The following APC variants were observed in gnomAD, a reference collection of about 807,000 sequenced individuals.
The protein encoded by APC is APC regulator of Wnt signaling pathway, also known as adenomatous polyposis coli protein.
A neutral mutation model predicts 247.0 loss-of-function variants in APC; 72 were observed. That is an observed-to-expected ratio of 0.29 (90% CI 0.24 to 0.35). The LOEUF is 0.35. Among genes scored for constraint, APC ranks in the 10% least tolerant of loss-of-function variants. The probability of loss-of-function intolerance (pLI) is 1.00; values close to 1 mark genes in which losing one functional copy is unlikely to be tolerated. For synonymous variants in APC, 1,254 were observed against 1,162.5 expected (o/e 1.08, Z -1.60); for missense variants, 3,400 against 3,360.7 (o/e 1.01, Z -0.29).
intron 8 of APC, among the ~76,000 whole-genome samples, chr5:112,803,765 C>G (rs1404596225): frequency 2.6e-5 from 4 of 152,152 alleles, no homozygotes; most frequent in African/African-American, 9.7e-5. Context: ...TGCATCCATG[C>G]AAATATTAAA....
chr5:112,826,995 C>G (rs756400076), intron 11 of APC, 113 bp from the exon 12 acceptor site: 12 of 1,006,322 alleles, frequency 1.2e-5, no homozygotes, highest in Non-Finnish European at 1.8e-5. Flanking sequence ...CAAATTTAAA[C>G]CATATATTCT....
At chr5:112,830,006 T>A (rs1764143230) in intron 14 of APC, 1 of 152,134 alleles carries the variant, frequency 6.6e-6, no homozygotes, top group Non-Finnish European at 1.5e-5. Context: ...CTAGTCTAGG[T>A]TTCCTTTCAC....
At chr5:112,747,408 A>G (rs914353461) in intron 1 of APC, among the ~76,000 whole-genome samples, 1 of 152,224 alleles carries the variant, frequency 6.6e-6, no homozygotes, top group African/African-American at 2.4e-5. Flanking sequence ...GTGGAAAAGA[A>G]ATGGTTTGTT....
At chr5:112,765,269 TTTTG>T (rs901645772) in intron 2 of APC, among the ~76,000 whole-genome samples, 1 of 152,054 alleles carries the variant, frequency 6.6e-6, no homozygotes, top group African/African-American at 2.4e-5. Flanking sequence ...CACTCATGGT[TTTTG>T]TTTGTTTGTT....
chr5:112,757,052 A>G (rs983299461), intron 2 of APC, among the ~76,000 whole-genome samples: 1 of 152,120 alleles, frequency 6.6e-6, no homozygotes, highest in African/African-American at 2.4e-5. Context: ...CTCAACCTAT[A>G]TACATCAGGA....
Position 112,716,040 on chromosome 5 carries a change from A to T in APC, c.165+8158A>T, listed in dbSNP as rs182811050. ...CTTATTAGTTTCACCAGAGATCAGT[A>T]GTCTTTCCAGAGAACCGTATTTTGA... On this transcript the variant is annotated intron_variant, in intron 1 of 13. Transcript: ENST00000507379. Among the ~76,000 whole-genome samples, 199 of 152,208 alleles carry T rather than the reference A, an allele frequency of 1.3e-3. 1 individual carries two copies. The highest frequency in any genetic ancestry group is 4.6e-3 in the African/African-American group (192 of 41,546).
In APC at chr5:112,790,984, G is replaced by A. The variant is rs138766550; in HGVS notation, c.646-1462G>A. ...CAATATTAGGATGTCAATAACTATA[G>A]AATTATTACAGAAAATGGTACAACA... On this transcript the variant is annotated intron_variant, in intron 6 of 15. Coordinates refer to ENST00000257430, the MANE Select transcript of APC (RefSeq NM_000038.6). Among the ~76,000 whole-genome samples the A allele has an allele frequency of 4.3e-3, 652 of 152,106 alleles. 2 individuals carry two copies. The highest frequency in any genetic ancestry group is 0.01 in the Middle Eastern group (3 of 294).
intron 4 of APC, among the ~76,000 whole-genome samples, chr5:112,773,293 T>A (rs1441387262): frequency 6.6e-6 from 1 of 152,174 alleles, no homozygotes; most frequent in Non-Finnish European, 1.5e-5. Context: ...CAAGCAGAAC[T>A]TTTAAAGTAA....
At chr5:112,837,513 A>G (rs1383931857) in intron 15 of APC, 40 bp from the exon 16 acceptor site, 1 of 1,492,456 alleles carries the variant, frequency 6.7e-7, no homozygotes, top group African/African-American at 1.4e-5. Flanking sequence ...CTGCATACAC[A>G]TTGTGACCTT....
intron 8 of APC, among the ~76,000 whole-genome samples, chr5:112,802,975 G>T (rs1760994362): frequency 6.6e-6 from 1 of 151,916 alleles, no homozygotes; most frequent in African/African-American, 2.4e-5. Flanking sequence ...ATTAAAATGG[G>T]CAAAGGATAT....
intron 1 of APC, among the ~76,000 whole-genome samples, chr5:112,745,586 C>T (rs1207329594): frequency 2.0e-5 from 3 of 148,726 alleles, no homozygotes; most frequent in African/African-American, 4.9e-5. Context: ...TTTTTTGAGA[C>T]GGAGTCTCAC....
intron 1 of APC, among the ~76,000 whole-genome samples, chr5:112,721,926 C>T (rs905353334): frequency 4.6e-5 from 7 of 151,894 alleles, no homozygotes; most frequent in African/African-American, 1.2e-4. Flanking sequence ...AGAAAGTTTA[C>T]GAATTTGTGT....
chr5:112,833,306 C>T (rs1335739992), intron 14 of APC, among the ~76,000 whole-genome samples: 1 of 151,856 alleles, frequency 6.6e-6, no homozygotes, highest in Middle Eastern at 3.2e-3. Context: ...CCTCAGCCTC[C>T]CAAGTAGCTA....
chr5:112,770,103 G>T (rs1373277666), intron 4 of APC, among the ~76,000 whole-genome samples: 1 of 152,088 alleles, frequency 6.6e-6, no homozygotes, highest in Non-Finnish European at 1.5e-5. Context: ...AGCAGAGAGA[G>T]GGAATTTCAG....
intron 1 of APC, among the ~76,000 whole-genome samples, chr5:112,723,394 G>A (rs910959749): frequency 3.9e-5 from 6 of 152,038 alleles, no homozygotes; most frequent in East Asian, 3.9e-4. Context: ...CCTGTGAGGC[G>A]GAGGTTGCAG....
intron 1 of APC, among the ~76,000 whole-genome samples, chr5:112,718,793 C>T (rs1033475838): frequency 2.0e-5 from 3 of 152,158 alleles, no homozygotes; most frequent in African/African-American, 4.8e-5. Context: ...GCTGTTTCTA[C>T]GAGTGTAAGT....
intron 1 of APC, among the ~76,000 whole-genome samples, chr5:112,727,898 A>G (rs963518316): frequency 1.3e-5 from 2 of 151,926 alleles, no homozygotes; most frequent in African/African-American, 4.8e-5. Context: ...ATTGAAGAAG[A>G]CATACTTAAA....
chr5:112,836,165 TCCCCCCCC>T (rs59050067), intron 15 of APC, among the ~76,000 whole-genome samples: 3 of 24,478 alleles, frequency 1.2e-4, no homozygotes, highest in Admixed American at 8.9e-4. Flanking sequence ...GGATTACAGG[TCCCCCCCC>T]CCCCCCGCCA....
At chr5:112,727,649 A>G in intron 1 of APC, among the ~76,000 whole-genome samples, 1 of 152,188 alleles carries the variant, frequency 6.6e-6, no homozygotes, top group East Asian at 1.9e-4. Flanking sequence ...TATTAAATAA[A>G]TGATCATTTT....
Sources: allele counts gnomAD v4.1 joint callset (sites outside exome capture counted in the v4.1 genomes callset), GRCh38; gene constraint gnomAD v4.1.1; transcripts MANE v1.5; gene names NCBI Gene and HGNC (gene_info 2026-07-23, HGNC 2026-07-21).